Variants in COL4A3 observed in about 807,000 individuals in gnomAD.
The protein encoded by COL4A3 is collagen type IV alpha 3 chain, also known as collagen alpha-3(IV) chain.
COL4A3 carries 135 observed loss-of-function variants against 217.4 expected under a neutral mutation model. The ratio of observed to expected loss-of-function variants is 0.62; its 90% CI spans 0.54 to 0.72. The LOEUF (loss-of-function observed/expected upper bound fraction) is 0.72. COL4A3 is among the 30% of genes least tolerant of loss of function. COL4A3 has a pLI of 0.00. For synonymous variants in COL4A3, 690 were observed against 736.3 expected, an observed-to-expected ratio of 0.94 and a Z score of 1.02; for missense variants, 1,868 against 2,119.9, an observed-to-expected ratio of 0.88 and a Z score of 2.33.
At chr2:227,236,548 A>G (rs1275958117) in intron 1 of COL4A3, among the ~76,000 whole-genome samples, 1 of 152,226 alleles carries the variant, frequency 6.6e-6, no homozygotes, top group Non-Finnish European at 1.5e-5. Flanking sequence ...TCTGCCATCA[A>G]CATATTTTCT....
intron 25 of COL4A3, among the ~76,000 whole-genome samples, chr2:227,272,141 T>C (rs1325814167): frequency 6.6e-6 from 1 of 152,232 alleles, no homozygotes; most frequent in Non-Finnish European, 1.5e-5. Context: ...TTGTTCACTT[T>C]GTGGTAGTTA....
chr2:227,244,938 C>T lies in COL4A3; in HGVS notation c.280-13C>T. ...TTTTTTTTGCCACCCCCTCCTTTTT[C>T]CTATGTCTTCAGGGAATAAGTGGAT... On this transcript the variant is annotated splice_polypyrimidine_tract_variant and intron_variant, in intron 4 of 51. Coordinates refer to ENST00000396578, the MANE Select transcript of COL4A3 (RefSeq NM_000091.5). 6.2e-7 allele frequency: 1 copy of T among 1,605,590 alleles called. No individual in the cohort carries two copies. The highest frequency in any genetic ancestry group is 2.2e-5 in the East Asian group (1 of 44,464).
At chr2:227,310,642 T>C in intron 50 of COL4A3, 134 bp from the exon 51 acceptor site, 1 of 767,970 alleles carries the variant, frequency 1.3e-6, no homozygotes, top group Non-Finnish European at 2.2e-6. Flanking sequence ...ATTTCTAATC[T>C]GTAGCATCGC....
intron 1 of COL4A3, among the ~76,000 whole-genome samples, chr2:227,186,782 T>C (rs1311451604): frequency 6.6e-6 from 1 of 151,560 alleles, no homozygotes; most frequent in Non-Finnish European, 1.5e-5. Flanking sequence ...TAGGTTGCTC[T>C]ACTAAAACAT....
At chr2:227,237,469 T>G (rs1207101110) in intron 1 of COL4A3, among the ~76,000 whole-genome samples, 1 of 152,160 alleles carries the variant, frequency 6.6e-6, no homozygotes, top group Non-Finnish European at 1.5e-5. Context: ...GTGTTCTACA[T>G]AAAAGGTACA....
At chr2:227,309,375 T>C (rs2073649704) in intron 50 of COL4A3, 57 bp downstream of exon 50, 1 of 1,336,568 alleles carries the variant, frequency 7.5e-7, no homozygotes, top group South Asian at 1.2e-5. Flanking sequence ...AATGTTACAT[T>C]GTGCTGGGTA....
chr2:227,201,009 A>C (rs560816308), intron 1 of COL4A3, among the ~76,000 whole-genome samples: 1 of 152,364 alleles, frequency 6.6e-6, no homozygotes, highest in African/African-American at 2.4e-5. Context: ...AGTTTAGATT[A>C]GAAATTATAT....
chr2:227,266,137 T>C (rs183902053), intron 21 of COL4A3, among the ~76,000 whole-genome samples: 67 of 152,058 alleles, frequency 4.4e-4, no homozygotes, highest in Middle Eastern at 3.4e-3. Context: ...CTTGGAATAA[T>C]TGGAAACAAC....
intron 1 of COL4A3, among the ~76,000 whole-genome samples, chr2:227,199,917 TTA>T (rs2066619923): frequency 1.3e-5 from 2 of 152,252 alleles, no homozygotes; most frequent in African/African-American, 4.8e-5. Flanking sequence ...GAGCTTATCT[TTA>T]TATATGTTAA....
intron 48 of COL4A3, among the ~76,000 whole-genome samples, chr2:227,308,143 C>T (rs1160899232): frequency 2.0e-5 from 3 of 152,226 alleles, no homozygotes; most frequent in Non-Finnish European, 4.4e-5. Flanking sequence ...TCCTCCCATT[C>T]AGTGCAAACA....
intron 28 of COL4A3, 110 bp downstream of exon 28, chr2:227,277,663 AG>A: frequency 2.8e-6 from 2 of 703,122 alleles, no homozygotes. Flanking sequence ...ATAGGATATA[AG>A]ATATAAAATG....
At chr2:227,256,517 A>G (rs1301820231) in intron 17 of COL4A3, 121 bp downstream of exon 17, 2 of 853,706 alleles carry the variant, frequency 2.3e-6, no homozygotes, top group East Asian at 2.4e-5. Context: ...CAAATACCCT[A>G]CTAGGTCTGT....
chr2:227,262,626 G>A (rs902532333), intron 20 of COL4A3, among the ~76,000 whole-genome samples: 1 of 152,156 alleles, frequency 6.6e-6, no homozygotes, highest in Non-Finnish European at 1.5e-5. Context: ...TGTATTCCTA[G>A]GTATTTTATT....
At chr2:227,279,943 G>A in intron 29 of COL4A3, 53 bp downstream of exon 29, 3 of 1,285,994 alleles carry the variant, frequency 2.3e-6, no homozygotes, top group Non-Finnish European at 3.3e-6. Flanking sequence ...CCATTAACTG[G>A]CCAGTTTGTA....
At chr2:227,222,211 C>T (rs943755604) in intron 1 of COL4A3, among the ~76,000 whole-genome samples, 4 of 151,372 alleles carry the variant, frequency 2.6e-5, no homozygotes, top group Admixed American at 2.6e-4. Context: ...ACATACAATA[C>T]CCAATCTTGC....
intron 4 of COL4A3, 126 bp downstream of exon 4, chr2:227,244,490 C>A: frequency 1.1e-6 from 1 of 927,348 alleles, no homozygotes; most frequent in Admixed American, 2.0e-5. Context: ...ACAGGTAATA[C>A]TAATCTGTAA....
chr2:227,178,619 G>C (rs1308490812), intron 1 of COL4A3, among the ~76,000 whole-genome samples: 2 of 151,784 alleles, frequency 1.3e-5, no homozygotes, highest in African/African-American at 4.8e-5. Context: ...TGCAACTTCT[G>C]CCTCCCAGGT....
At chr2:227,179,272 CTT>C (rs1272911842) in intron 1 of COL4A3, among the ~76,000 whole-genome samples, 1 of 152,126 alleles carries the variant, frequency 6.6e-6, no homozygotes, top group Non-Finnish European at 1.5e-5. Flanking sequence ...CAACCAAAAA[CTT>C]CCCAGATAAT....
At chr2:227,230,827 T>C (rs1001998535) in intron 1 of COL4A3, among the ~76,000 whole-genome samples, 2 of 152,152 alleles carry the variant, frequency 1.3e-5, no homozygotes, top group Non-Finnish European at 2.9e-5. Context: ...TGTGCTGGGG[T>C]CTCTGCAATA....
Sources: allele counts gnomAD v4.1 joint callset (sites outside exome capture counted in the v4.1 genomes callset), GRCh38; gene constraint gnomAD v4.1.1; transcripts MANE v1.5; gene names NCBI Gene and HGNC (gene_info 2026-07-23, HGNC 2026-07-21).